PRAG1: variants seen among roughly 807,000 people sequenced by gnomAD.
PRAG1 encodes PEAK1 related, kinase-activating pseudokinase 1.
PRAG1 carries 110 observed loss-of-function variants against 95.6 expected under a neutral mutation model. That is an observed-to-expected ratio of 1.15 (90% CI 0.99 to 1.35). The LOEUF (loss-of-function observed/expected upper bound fraction) is 1.35, where lower values mean the gene tolerates loss of function less well. Among genes scored for constraint, PRAG1 ranks in the 40% most tolerant of loss-of-function variants. PRAG1 has a pLI of 0.00. For missense variants in PRAG1, 2,554 were observed against 1,864.7 expected (o/e 1.37, Z -6.81); for synonymous variants, 1,052 against 819.4 (o/e 1.28, Z -4.85).
At chr8:8,365,543 A>C (rs1020152075) in intron 3 of PRAG1, among the ~76,000 whole-genome samples, 3 of 150,422 alleles carry the variant, frequency 2.0e-5, no homozygotes, top group Non-Finnish European at 4.4e-5. Flanking sequence ...AGAATCACTT[A>C]AGCCCAGGAG....
intron 3 of PRAG1, among the ~76,000 whole-genome samples, chr8:8,371,672 C>A (rs1800210930): frequency 6.6e-6 from 1 of 152,060 alleles, no homozygotes; most frequent in African/African-American, 2.4e-5. Context: ...GAGTTCGAGA[C>A]CAGCCTGGGA....
intron 3 of PRAG1, among the ~76,000 whole-genome samples, chr8:8,345,093 T>TGTGTGTGTGTGTGTGTG (rs1336588207): frequency 1.9e-4 from 14 of 73,252 alleles, no homozygotes; most frequent in African/African-American, 3.1e-4. Flanking sequence ...GTGTGTGTGT[T>TGTGTGTGTGTGTGTGTG]AGGGAGGAAG....
chr8:8,384,360 G>C (rs1800779835), intron 1 of PRAG1, among the ~76,000 whole-genome samples: 1 of 152,016 alleles, frequency 6.6e-6, no homozygotes, highest in Admixed American at 6.6e-5. Flanking sequence ...AAGTTTCCTT[G>C]AGAATGTCTC....
chr8:8,379,747 G>C (rs184382564), intron 2 of PRAG1, among the ~76,000 whole-genome samples: 1 of 152,218 alleles, frequency 6.6e-6, no homozygotes. Context: ...TGTGTCTAAA[G>C]ACAGCAGATG....
At chr8:8,351,654 G>C (rs143933033) in intron 3 of PRAG1, among the ~76,000 whole-genome samples, 2,341 of 152,290 alleles carry the variant, frequency 0.015, 23 homozygotes, top group Non-Finnish European at 0.018. Context: ...ATAATTTATA[G>C]TATAGCCCCA....
chr8:8,370,065 C>T (rs923644502), intron 3 of PRAG1, among the ~76,000 whole-genome samples: 4 of 152,202 alleles, frequency 2.6e-5, no homozygotes, highest in Admixed American at 2.6e-4. Flanking sequence ...AAGAAAGAAT[C>T]TCTAATTGCT....
chr8:8,376,367 G>A lies in PRAG1; in HGVS notation c.2042C>T (p.Ser681Phe), dbSNP rs927432463. ...WHRLHPTDGS[S>F]GQNSKVGTGM... ...GGTCCCAACTTTGCTGTTCTGCCCAGAGGAGCCATCTGTGGGGTGGAGACG... is the reference window on the plus strand; with the variant it reads ...GGTCCCAACTTTGCTGTTCTGCCCAAAGGAGCCATCTGTGGGGTGGAGACG... Residue 681 changes from serine to phenylalanine, a missense_variant, in exon 3 of 6, where the codon TCT becomes TTT. Transcript: ENST00000615670. 29 of 1,614,230 alleles carry A rather than the reference G, an allele frequency of 1.8e-5. No homozygotes were observed. Among genetic ancestry groups the A allele is most frequent in the Non-Finnish European group, 2.4e-5 (28 of 1,180,044 alleles).
In PRAG1 at chr8:8,339,549, C is replaced by A; in HGVS notation, c.2249G>T (p.Gly750Val). 1 of 1,614,158 alleles carries A rather than the reference C, an allele frequency of 6.2e-7. No individual in the cohort carries two copies. The highest frequency in any genetic ancestry group is 8.5e-7 in the Non-Finnish European group (1 of 1,180,040). Residue 750 changes from glycine to valine, a missense_variant, in exon 4 of 6, where the codon GGT becomes GTT. Gly to Val is a moderately radical substitution (Grantham distance 109). Transcript: ENST00000615670. ...GCCGGTGGTGAAGCTGACGTGGACA[C>A]CCCTGAAGGATGGGCTGAGGCTTTC... Reference protein sequence around the residue: ...SAESLSPSFRGVHVSFTTGST... With the variant: ...SAESLSPSFRVVHVSFTTGST...
At chr8:8,380,152 C>G (rs1181368746) in intron 2 of PRAG1, among the ~76,000 whole-genome samples, 1 of 151,898 alleles carries the variant, frequency 6.6e-6, no homozygotes, top group East Asian at 1.9e-4. Context: ...GCATGTACCT[C>G]TAGTCTTAGA....
intron 2 of PRAG1, among the ~76,000 whole-genome samples, chr8:8,378,696 C>CA (rs1355794183): frequency 5.9e-5 from 9 of 151,710 alleles, no homozygotes; most frequent in Non-Finnish European, 5.9e-5. Context: ...CCCATCTCTA[C>CA]AAAAAAATAC....
intron 5 of PRAG1, among the ~76,000 whole-genome samples, chr8:8,322,937 T>A (rs897530528): frequency 1.3e-5 from 2 of 152,208 alleles, no homozygotes; most frequent in African/African-American, 4.8e-5. Context: ...GAACATGGTC[T>A]CAGGATCTCC....
chr8:8,373,454 A>ATTGTTTTTTTTTTTTTTTTTTT (rs1470559658), intron 3 of PRAG1, among the ~76,000 whole-genome samples: 10 of 138,338 alleles, frequency 7.2e-5, no homozygotes, highest in East Asian at 2.1e-4. Flanking sequence ...TATTTTCTAG[A>ATTGTTTTTTTTTTTTTTTTTTT]TTTTTTTTTT....
At chr8:8,324,077 G>A (rs1798554670) in intron 5 of PRAG1, among the ~76,000 whole-genome samples, 1 of 152,208 alleles carries the variant, frequency 6.6e-6, no homozygotes. Context: ...TCAGCGCCAG[G>A]CCCAGCCCAG....
intron 3 of PRAG1, among the ~76,000 whole-genome samples, chr8:8,365,703 C>T (rs1415884336): frequency 6.6e-6 from 1 of 151,908 alleles, no homozygotes; most frequent in Non-Finnish European, 1.5e-5. Flanking sequence ...TGACTCACAC[C>T]TGTAATCCCA....
At chr8:8,378,592 G>A (rs1017585556) in intron 2 of PRAG1, among the ~76,000 whole-genome samples, 1 of 152,130 alleles carries the variant, frequency 6.6e-6, no homozygotes, top group Non-Finnish European at 1.5e-5. Flanking sequence ...AGATGCCGTG[G>A]CTCATACCTG....
chr8:8,376,381 G>A lies in PRAG1; in HGVS notation c.2028C>T (p.Pro676=), dbSNP rs373551726. 6.2e-6 allele frequency: 10 copies of A among 1,614,124 alleles called. No individual in the cohort carries two copies. Among genetic ancestry groups the A allele is most frequent in the African/African-American group, 1.3e-5 (1 of 74,950 alleles). Residue 676 remains proline, a synonymous_variant, in exon 3 of 6, where the codon CCC becomes CCT. Coordinates refer to ENST00000615670, the MANE Select transcript of PRAG1 (RefSeq NM_001080826.3). ...SNSTTWHRLH[P]TDGSSGQNSK... is the part of the protein sequence containing the mutation. ...TGTTCTGCCCAGAGGAGCCATCTGT[G>A]GGGTGGAGACGGTGCCAGGTCGTGG...
Position 8,376,377 on chromosome 8 carries a change from C to A in PRAG1, c.2032G>T (p.Asp678Tyr). 1 of 1,614,232 alleles carries A rather than the reference C, an allele frequency of 6.2e-7. No homozygotes were observed. Residue 678 changes from aspartate to tyrosine, a missense_variant, in exon 3 of 6, where the codon GAT becomes TAT. Asp to Tyr is a radical substitution (Grantham distance 160). Transcript: ENST00000615670. ...STTWHRLHPT[D>Y]GSSGQNSKVG... Reference sequence around the variant, plus strand: ...TTGCTGTTCTGCCCAGAGGAGCCATCTGTGGGGTGGAGACGGTGCCAGGTC... The same window carrying A: ...TTGCTGTTCTGCCCAGAGGAGCCATATGTGGGGTGGAGACGGTGCCAGGTC...
intron 4 of PRAG1, among the ~76,000 whole-genome samples, chr8:8,336,710 C>T (rs889407407): frequency 1.8e-4 from 27 of 151,182 alleles, no homozygotes; most frequent in African/African-American, 5.4e-4. Flanking sequence ...ACCCATAAAA[C>T]GCAAATCATT....
At chr8:8,370,410 AC>A (rs1350348789) in intron 3 of PRAG1, among the ~76,000 whole-genome samples, 2 of 152,096 alleles carry the variant, frequency 1.3e-5, no homozygotes, top group African/African-American at 4.8e-5. Context: ...GACCAACTTG[AC>A]CTCCAGCCTA....
Sources: gnomAD v4.1 joint callset for allele counts (sites outside exome capture counted in the v4.1 genomes callset) on GRCh38, gnomAD v4.1.1 for gene constraint, MANE v1.5 for transcripts, NCBI Gene and HGNC (gene_info 2026-07-23, HGNC 2026-07-21) for gene names.